STAC: variants seen among roughly 807,000 people sequenced by gnomAD.
The protein encoded by STAC is SH3 and cysteine-rich domain-containing protein.
Under a neutral mutation model 48.8 loss-of-function variants are expected in STAC, and 43 were observed. The ratio of observed to expected loss-of-function variants is 0.88; its 90% CI spans 0.69 to 1.14. STAC has a LOEUF of 1.14. Ranked by LOEUF, STAC falls within the 50% of genes most tolerant of loss-of-function variation. The probability of loss-of-function intolerance (pLI) is 0.00; values close to 1 mark genes in which losing one functional copy is unlikely to be tolerated. For missense variants in STAC, 497 were observed against 504.0 expected, an observed-to-expected ratio of 0.99 and a Z score of 0.13; for synonymous variants, 193 against 179.5, an observed-to-expected ratio of 1.07 and a Z score of -0.60.
intron 4 of STAC, 113 bp from the exon 5 acceptor site, chr3:36,486,021 T>C (rs1697800672): frequency 2.7e-6 from 2 of 735,184 alleles, no homozygotes; most frequent in Non-Finnish European, 4.6e-6. Flanking sequence ...AGAGGCTAAG[T>C]TCCTCTGCAC....
At chr3:36,413,867 C>A (rs1028595665) in intron 1 of STAC, among the ~76,000 whole-genome samples, 2 of 152,174 alleles carry the variant, frequency 1.3e-5, no homozygotes, top group African/African-American at 2.4e-5. Context: ...TAGGGCAGGG[C>A]TGGTGGTGAC....
intron 1 of STAC, among the ~76,000 whole-genome samples, chr3:36,405,442 C>CA (rs1467423838): frequency 2.0e-5 from 3 of 152,182 alleles, no homozygotes; most frequent in Non-Finnish European, 4.4e-5. Context: ...CAGCCCTCCC[C>CA]AGTGAAAGCT....
intron 1 of STAC, among the ~76,000 whole-genome samples, chr3:36,386,366 G>A (rs187545537): frequency 6.3e-4 from 94 of 150,390 alleles, no homozygotes; most frequent in African/African-American, 2.1e-3. Context: ...ATATGAGAAC[G>A]TTGAGAGAAA....
chr3:36,428,618 A>G (rs1337969549), intron 1 of STAC, among the ~76,000 whole-genome samples: 1 of 152,220 alleles, frequency 6.6e-6, no homozygotes, highest in East Asian at 1.9e-4. Flanking sequence ...CTTTGAGTAG[A>G]GACCTGAAGG....
At chr3:36,492,884 C>T (rs149695720) in intron 5 of STAC, among the ~76,000 whole-genome samples, 3 of 152,272 alleles carry the variant, frequency 2.0e-5, no homozygotes, top group Non-Finnish European at 4.4e-5. Flanking sequence ...CTGGCTGTGG[C>T]CTTTGCTTCT....
chr3:36,497,677 C>G (rs1383020363), intron 6 of STAC, among the ~76,000 whole-genome samples: 1 of 149,988 alleles, frequency 6.7e-6, no homozygotes, highest in African/African-American at 2.5e-5. Context: ...AGCCTTAACT[C>G]AGGTGGAAAA....
intron 2 of STAC, among the ~76,000 whole-genome samples, chr3:36,455,762 T>G (rs1012159984): frequency 7.5e-4 from 50 of 66,726 alleles, no homozygotes; most frequent in South Asian, 9.1e-4. Context: ...AACAGGCAGG[T>G]GTGTGTGTGT....
At chr3:36,498,150 A>G (rs1427119939) in intron 6 of STAC, among the ~76,000 whole-genome samples, 1 of 152,208 alleles carries the variant, frequency 6.6e-6, no homozygotes, top group Non-Finnish European at 1.5e-5. Context: ...TAACTATATA[A>G]TTGTATACAT....
intron 1 of STAC, among the ~76,000 whole-genome samples, chr3:36,426,613 C>G (rs1043354235): frequency 1.4e-4 from 21 of 152,208 alleles, no homozygotes; most frequent in African/African-American, 4.1e-4. Flanking sequence ...CAATACAATA[C>G]AGAAAAGCAG....
At chr3:36,425,046 G>A (rs1700531778) in intron 1 of STAC, among the ~76,000 whole-genome samples, 1 of 152,152 alleles carries the variant, frequency 6.6e-6, no homozygotes, top group South Asian at 2.1e-4. Context: ...TATATGATAA[G>A]TACAGGATAT....
chr3:36,455,787 GTC>G (rs61444535), intron 2 of STAC, among the ~76,000 whole-genome samples: 1 of 149,588 alleles, frequency 6.7e-6, no homozygotes, highest in African/African-American at 2.4e-5. Context: ...GTGTGTGTGT[GTC>G]TACATTGTGA....
At chr3:36,447,489 G>C (rs1203027374) in intron 2 of STAC, among the ~76,000 whole-genome samples, 1 of 152,118 alleles carries the variant, frequency 6.6e-6, no homozygotes, top group Non-Finnish European at 1.5e-5. Flanking sequence ...AATATATCAT[G>C]AGAAAATACT....
chr3:36,529,002 A>G lies in STAC; in HGVS notation c.1110+17A>G, dbSNP rs1699004518. ...GAGAATCAGGTGAGTAAACCACACAAACACATTCCAGATATGAGCCAAATA... is the reference window on the plus strand; with the variant it reads ...GAGAATCAGGTGAGTAAACCACACAGACACATTCCAGATATGAGCCAAATA... On this transcript the variant is annotated intron_variant, in intron 10 of 10. Coordinates refer to ENST00000273183, the MANE Select transcript of STAC (RefSeq NM_003149.3). 3 of 1,586,342 alleles carry G rather than the reference A, an allele frequency of 1.9e-6. No homozygotes were observed. Among genetic ancestry groups the G allele is most frequent in the East Asian group, 2.3e-5 (1 of 44,316 alleles).
intron 2 of STAC, among the ~76,000 whole-genome samples, chr3:36,472,720 C>A (rs1326441879): frequency 1.3e-5 from 2 of 152,220 alleles, no homozygotes; most frequent in Non-Finnish European, 2.9e-5. Flanking sequence ...CAGTTCCCAA[C>A]AAGTTCCTCA....
intron 2 of STAC, among the ~76,000 whole-genome samples, chr3:36,447,649 C>CCCCA (rs1553635639): frequency 4.8e-5 from 7 of 146,314 alleles, no homozygotes; most frequent in Admixed American, 6.9e-5. Context: ...TGTATACACA[C>CCCCA]CACACACACA....
chr3:36,458,990 C>T (rs1696927611), intron 2 of STAC, among the ~76,000 whole-genome samples: 1 of 152,152 alleles, frequency 6.6e-6, no homozygotes. Flanking sequence ...CCATGAACTA[C>T]ACTTTTAGTT....
chr3:36,455,864 T>C (rs1337855815), intron 2 of STAC, among the ~76,000 whole-genome samples: 19 of 152,126 alleles, frequency 1.2e-4, no homozygotes, highest in Admixed American at 1.2e-3. Context: ...GTTTTCTCCA[T>C]AGCTTATCAA....
intron 1 of STAC, among the ~76,000 whole-genome samples, chr3:36,405,672 A>G (rs1362999862): frequency 6.6e-6 from 1 of 152,156 alleles, no homozygotes; most frequent in Non-Finnish European, 1.5e-5. Flanking sequence ...GAACTACTGA[A>G]TCCATCATGT....
chr3:36,481,964 T>G (rs759007315), intron 2 of STAC, among the ~76,000 whole-genome samples: 11 of 152,208 alleles, frequency 7.2e-5, no homozygotes, highest in Non-Finnish European at 1.6e-4. Flanking sequence ...GGGATAAGAC[T>G]GATAGTGCCT....
Sources: allele counts gnomAD v4.1 joint callset (sites outside exome capture counted in the v4.1 genomes callset), GRCh38; gene constraint gnomAD v4.1.1; transcripts MANE v1.5; gene names NCBI Gene and HGNC (gene_info 2026-07-23, HGNC 2026-07-21).